PDZD2: variants seen among roughly 807,000 people sequenced by gnomAD.
PDZD2 encodes the protein PDZ domain-containing protein 2.
PDZD2 carries 90 observed loss-of-function variants against 220.7 expected under a neutral mutation model. The observed-to-expected ratio is 0.41, with a 90% CI of 0.34 to 0.49. PDZD2 has a LOEUF of 0.49. PDZD2 is among the 20% of genes least tolerant of loss of function. The pLI, the probability that PDZD2 is intolerant of heterozygous loss-of-function variation, is 0.28. For synonymous variants in PDZD2, 1,375 were observed against 1,450.5 expected (o/e 0.95, Z 1.18); for missense variants, 3,174 against 3,608.5 (o/e 0.88, Z 3.08).
At chr5:31,927,197 C>G (rs1258763734) in intron 2 of PDZD2, among the ~76,000 whole-genome samples, 1 of 152,050 alleles carries the variant, frequency 6.6e-6, no homozygotes, top group East Asian at 1.9e-4. Context: ...GGCATATATA[C>G]CCCTGGATCT....
chr5:32,003,709 G>T (rs1313575177), intron 5 of PDZD2, among the ~76,000 whole-genome samples: 1 of 151,872 alleles, frequency 6.6e-6, no homozygotes, highest in African/African-American at 2.4e-5. Context: ...TTTTGTTTTT[G>T]TTTTTTGTTT....
intron 2 of PDZD2, among the ~76,000 whole-genome samples, chr5:31,882,168 T>G (rs189723248): frequency 3.3e-5 from 5 of 152,350 alleles, no homozygotes; most frequent in Admixed American, 1.3e-4. Context: ...CTAAGCCACA[T>G]GCATACATCG....
chr5:32,014,939 C>CTTTTTTTTT (rs746683258), intron 6 of PDZD2, among the ~76,000 whole-genome samples: 4 of 94,020 alleles, frequency 4.3e-5, no homozygotes, highest in Non-Finnish European at 6.2e-5. Flanking sequence ...CAATCTCTCT[C>CTTTTTTTTT]TTTTTTTTTT....
At chr5:31,848,862 A>G (rs888886277) in intron 2 of PDZD2, among the ~76,000 whole-genome samples, 15 of 152,164 alleles carry the variant, frequency 9.9e-5, no homozygotes, top group Admixed American at 4.6e-4. Context: ...ATCCTGGCTA[A>G]CACGGTGAAA....
chr5:31,774,660 G>A lies in PDZD2; in HGVS notation c.-360-24229G>A, dbSNP rs1484641800. 2.0e-5 allele frequency among the ~76,000 whole-genome samples: 3 copies of A among 151,590 alleles called. No individual in the cohort carries two copies. The South Asian group carries it at 6.2e-4, about 32-fold the overall frequency. ...GAACCTGGGAGGCAGAGGTTGCAGT[G>A]AGCCAAGATCACACCACCTTTGCAC... is the stretch of plus-strand genomic sequence containing the variant. On this transcript the variant is annotated intron_variant, in intron 1 of 24. Transcript: ENST00000438447.
intron 2 of PDZD2, among the ~76,000 whole-genome samples, chr5:31,800,157 G>A (rs1303950090): frequency 3.9e-5 from 6 of 152,192 alleles, no homozygotes; most frequent in African/African-American, 1.2e-4. Flanking sequence ...CCCCAAGACC[G>A]TTCTCAGGTT....
chr5:31,761,690 A>T (rs1751663617), intron 1 of PDZD2, among the ~76,000 whole-genome samples: 1 of 151,998 alleles, frequency 6.6e-6, no homozygotes, highest in Non-Finnish European at 1.5e-5. Context: ...GTGAAAGCCC[A>T]TGTCTACTAA....
chr5:32,040,695 C>T (rs148066518), intron 7 of PDZD2, among the ~76,000 whole-genome samples: 568 of 149,384 alleles, frequency 3.8e-3, no homozygotes, highest in African/African-American at 0.013. Context: ...GGGAGAGCCT[C>T]TGCCTGGCTG....
chr5:31,995,781 C>A lies in PDZD2; in HGVS notation c.1121+63C>A, dbSNP rs1478920499. 1.1e-5 allele frequency: 16 copies of A among 1,449,070 alleles called. No individual in the cohort carries two copies. The Middle Eastern group carries it at 6.6e-4, about 60-fold the overall frequency. 89.8% of individuals were successfully genotyped at this position (1,449,070 alleles called of 1,614,324 possible). ...CCTCCTCTCCTTCCCTCTCCCTCCC[C>A]ACTGGTGCAGGTGCTCTTCCACTTG... On this transcript the variant is annotated intron_variant, in intron 4 of 24. Coordinates refer to ENST00000438447, the MANE Select transcript of PDZD2 (RefSeq NM_178140.4).
chr5:32,087,436 G>A lies in PDZD2; in HGVS notation c.3988G>A (p.Ala1330Thr). ...TGCCCTCAGGGGAGCGGGACCTGGA[G>A]CAGAGGGAATGACACCAGCTGGTGC... Reference protein sequence around the residue: ...VAALRGAGPGAEGMTPAGAVL... With the variant: ...VAALRGAGPGTEGMTPAGAVL... The change falls in exon 20 of 25, where the codon GCA becomes ACA. Residue 1330 changes from alanine (A) to threonine (T), a missense_variant. By Grantham distance (58) the Ala-to-Thr change is moderately conservative. Transcript: ENST00000438447. This position sits in a 1 kb window ranked among gnomAD's most constrained non-coding sequence, Gnocchi z 4.0. 5.0e-6 allele frequency: 8 copies of A among 1,614,128 alleles called. No homozygotes were observed. The highest frequency in any genetic ancestry group is 6.8e-6 in the Non-Finnish European group (8 of 1,179,990).
At chr5:31,741,960 T>A (rs867873886) in intron 1 of PDZD2, 13 of 152,348 alleles carry the variant, frequency 8.5e-5, no homozygotes, top group Non-Finnish European at 7.3e-5. Flanking sequence ...AAGGGCAGCC[T>A]TTCCTCCAGA....
rs1561305306 is a variant in PDZD2, at chr5:32,000,284, T to A, written c.1254+13T>A. On this transcript the variant is annotated intron_variant, in intron 5 of 24. Coordinates refer to ENST00000438447, the MANE Select transcript of PDZD2 (RefSeq NM_178140.4). This position sits in a 1 kb window ranked among gnomAD's most constrained non-coding sequence, Gnocchi z 4.5. ...GGTGGCCAGCAAGGTAGGTCGTGTT[T>A]GTTTTTTGGTACTCGTAATGGTGGC... 3 of 1,614,050 alleles carry A rather than the reference T, an allele frequency of 1.9e-6. No homozygotes were observed. Among genetic ancestry groups the A allele is most frequent in the Non-Finnish European group, 1.7e-6 (2 of 1,179,962 alleles).
At chr5:31,947,237 A>G (rs1318248644) in intron 2 of PDZD2, among the ~76,000 whole-genome samples, 1 of 152,206 alleles carries the variant, frequency 6.6e-6, no homozygotes, top group Non-Finnish European at 1.5e-5. Flanking sequence ...TGTTGATGAA[A>G]TCCACTATTC....
intron 5 of PDZD2, among the ~76,000 whole-genome samples, chr5:32,009,640 G>A (rs1354717603): frequency 6.6e-6 from 1 of 152,138 alleles, no homozygotes; most frequent in Admixed American, 6.5e-5. Flanking sequence ...GCTGAGGCAG[G>A]AGGGCCACTT....
At chr5:31,885,920 GTT>G (rs11308439) in intron 2 of PDZD2, among the ~76,000 whole-genome samples, 14 of 148,094 alleles carry the variant, frequency 9.5e-5, no homozygotes, top group Admixed American at 6.7e-4. Context: ...TAGTTTTTTG[GTT>G]TTTTTTTTTA....
intron 2 of PDZD2, among the ~76,000 whole-genome samples, chr5:31,957,444 T>C (rs7702447): frequency 0.36 from 55,211 of 151,982 alleles, 10,414 homozygotes; most frequent in East Asian, 0.63. Context: ...CATGAACGAG[T>C]CAACTTAACA....
intron 1 of PDZD2, among the ~76,000 whole-genome samples, chr5:31,771,798 T>C (rs1174540466): frequency 6.6e-6 from 1 of 152,214 alleles, no homozygotes; most frequent in Non-Finnish European, 1.5e-5. Context: ...TGATTGGATG[T>C]AGTTAGTGGG....
chr5:31,727,758 TTC>T (rs1383081944), intron 1 of PDZD2, among the ~76,000 whole-genome samples: 1 of 149,766 alleles, frequency 6.7e-6, no homozygotes, highest in East Asian at 2.0e-4. Flanking sequence ...AACCCAACAC[TTC>T]CGGAGGCCGA....
rs769896211 is a variant in PDZD2, at chr5:32,098,615, C to T, written c.8199C>T (p.Ile2733=). ...NGKGLLSRKT[I]PLEPGIGRSV... is the part of the protein sequence containing the mutation. Reference sequence around the variant, plus strand: ...AGGGTTTGCTGTCCAGAAAGACCATCCCCCTGGAGCCTGGCATTGGTAAGA... The same window carrying T: ...AGGGTTTGCTGTCCAGAAAGACCATTCCCCTGGAGCCTGGCATTGGTAAGA... Residue 2733 remains isoleucine, a synonymous_variant, in exon 23 of 25, where the codon ATC becomes ATT. Transcript: ENST00000438447. This position sits in a 1 kb window ranked among gnomAD's most constrained non-coding sequence, Gnocchi z 4.1. 1 of 1,613,502 alleles carries T rather than the reference C, an allele frequency of 6.2e-7. No homozygotes were observed. The highest frequency in any genetic ancestry group is 8.5e-7 in the Non-Finnish European group (1 of 1,179,658).
Sources: gnomAD v4.1 joint callset for allele counts (sites outside exome capture counted in the v4.1 genomes callset) on GRCh38, gnomAD v4.1.1 for gene constraint, Gnocchi (gnomAD v3.1) non-coding constraint, MANE v1.5 for transcripts, NCBI Gene and HGNC (gene_info 2026-07-23, HGNC 2026-07-21) for gene names.